ABHD2: variants seen among roughly 807,000 people sequenced by gnomAD.
ABHD2 encodes the protein monoacylglycerol lipase ABHD2.
In ABHD2, 20 loss-of-function variants were observed where a neutral mutation model predicts 48.1. The ratio of observed to expected loss-of-function variants is 0.42; its 90% CI spans 0.29 to 0.60. The LOEUF is 0.60. Among genes scored for constraint, ABHD2 ranks in the 20% least tolerant of loss-of-function variants. ABHD2 has a pLI of 0.24. For synonymous variants in ABHD2, 209 were observed against 214.2 expected, an observed-to-expected ratio of 0.98 and a Z score of 0.21; for missense variants, 405 against 550.9, an observed-to-expected ratio of 0.74 and a Z score of 2.65.
In ABHD2 at chr15:89,167,265, A is replaced by G. The variant is rs1053192231; in HGVS notation, c.539-8547A>G. Among the ~76,000 whole-genome samples, 1 of 152,102 alleles carries G rather than the reference A, an allele frequency of 6.6e-6. No homozygotes were observed. The highest frequency in any genetic ancestry group is 1.5e-5 in the Non-Finnish European group (1 of 68,022). On this transcript the variant is annotated intron_variant, in intron 5 of 10. Transcript: ENST00000352732. This position sits in a 1 kb window ranked among gnomAD's most constrained non-coding sequence, Gnocchi z 5.5. ...TTCATTGGTGTAGACTCAATTTTGA[A>G]TTGTATTCATAGTTATGAATTGTGT...
chr15:89,079,644 C>G, the ABHD2 span, among the ~76,000 whole-genome samples: 4 of 152,184 alleles, frequency 2.6e-5, no homozygotes, highest in Non-Finnish European at 5.9e-5. This position sits in a 1 kb window ranked among gnomAD's most constrained non-coding sequence, Gnocchi z 4.3. Flanking sequence ...AAGATCAAAG[C>G]CACAACTATT....
At chr15:89,127,404 G>C (rs973554246) in intron 3 of ABHD2, among the ~76,000 whole-genome samples, 1 of 152,034 alleles carries the variant, frequency 6.6e-6, no homozygotes, top group Non-Finnish European at 1.5e-5. Context: ...GGAAGGGAGA[G>C]ATTTGTGAGA....
the ABHD2 span, among the ~76,000 whole-genome samples, chr15:89,060,082 C>A: frequency 8.4e-6 from 1 of 119,442 alleles, no homozygotes; most frequent in East Asian, 2.3e-4. Flanking sequence ...CACTCCAAGG[C>A]CTTTTTTTTT....
At position 89,120,540 on chromosome 15, in the gene ABHD2, C is replaced by T. The variant is rs1013629217; in HGVS notation, c.194+4019C>T. Among the ~76,000 whole-genome samples, 8 of 151,980 alleles carry T rather than the reference C, an allele frequency of 5.3e-5. No individual in the cohort carries two copies. Among genetic ancestry groups the T allele is most frequent in the South Asian group, 4.2e-4 (2 of 4,814 alleles). On this transcript the variant is annotated intron_variant, in intron 3 of 10. Coordinates refer to ENST00000352732, the MANE Select transcript of ABHD2 (RefSeq NM_152924.5). This position sits in a 1 kb window ranked among gnomAD's most constrained non-coding sequence, Gnocchi z 4.2. ...TGTTGCCTAGGCTGGAGTACAGTGG[C>T]GCAATCTCAAATCTCGGTTCACTGC...
At chr15:89,135,031 T>C (rs2050280245) in intron 3 of ABHD2, among the ~76,000 whole-genome samples, 1 of 152,176 alleles carries the variant, frequency 6.6e-6, no homozygotes, top group African/African-American at 2.4e-5. Context: ...GTCAGCATTT[T>C]AATCCTTAAA....
At chr15:89,156,208 C>T (rs1000862208) in intron 5 of ABHD2, among the ~76,000 whole-genome samples, 2 of 150,592 alleles carry the variant, frequency 1.3e-5, no homozygotes, top group African/African-American at 4.9e-5. Context: ...GCAGGCTCCG[C>T]CTCCTGAGTT....
upstream of ABHD2, among the ~76,000 whole-genome samples, chr15:89,084,146 G>A (rs922792939): frequency 1.4e-4 from 21 of 149,652 alleles, no homozygotes; most frequent in Admixed American, 6.1e-4. The surrounding 1 kb of genome is among the most constrained non-coding windows in gnomAD (Gnocchi z 4.4). Context: ...TCCTCAAACC[G>A]TTTTTGGTAA....
Position 89,151,276 on chromosome 15 carries a change from A to G in ABHD2, c.195-401A>G, listed in dbSNP as rs1440853486. Among the ~76,000 whole-genome samples, 1 of 152,220 alleles carries G rather than the reference A, an allele frequency of 6.6e-6. No homozygotes were observed. Among genetic ancestry groups the G allele is most frequent in the African/African-American group, 2.4e-5 (1 of 41,456 alleles). ...TTAGGGAAAGAAGAAGTGAGCTTTT[A>G]GTGAGTGTAGGCGCTATGCTATTTC... On this transcript the variant is annotated intron_variant, in intron 3 of 10. Transcript: ENST00000352732. The surrounding 1 kb of genome is among the most constrained non-coding windows in gnomAD (Gnocchi z 4.7).
intron 5 of ABHD2, among the ~76,000 whole-genome samples, chr15:89,169,864 G>A (rs2050892470): frequency 1.3e-5 from 2 of 151,990 alleles, no homozygotes; most frequent in Admixed American, 1.3e-4. Context: ...TACATACAAT[G>A]AGTGAAACTA....
At chr15:89,187,925 GC>G (rs2051238706) in intron 7 of ABHD2, among the ~76,000 whole-genome samples, 1 of 152,184 alleles carries the variant, frequency 6.6e-6, no homozygotes. Context: ...CCCGTCTTGA[GC>G]CCCCCTCCCC....
At position 89,151,253 on chromosome 15, in the gene ABHD2, A is replaced by G. The variant is rs772292866; in HGVS notation, c.195-424A>G. On this transcript the variant is annotated intron_variant, in intron 3 of 10. Coordinates refer to ENST00000352732, the MANE Select transcript of ABHD2 (RefSeq NM_152924.5). This position sits in a 1 kb window ranked among gnomAD's most constrained non-coding sequence, Gnocchi z 4.7. ...CACTACAGCTGTGGCCTGTCTCGTT[A>G]GGGAAAGAAGAAGTGAGCTTTTAGT... Among the ~76,000 whole-genome samples the G allele has an allele frequency of 2.0e-4, 30 of 152,240 alleles. No homozygotes were observed. The highest frequency in any genetic ancestry group is 4.6e-4 in the Admixed American group (7 of 15,288).
chr15:89,164,517 T>C lies in ABHD2; in HGVS notation c.538+8983T>C, dbSNP rs11854712. 0.39 allele frequency among the ~76,000 whole-genome samples: 58,701 copies of C among 151,920 alleles called. 12,036 individuals carry two copies. The highest frequency in any genetic ancestry group is 0.78 in the East Asian group (4,005 of 5,148). Reference sequence around the variant, plus strand: ...AATTTGGCAATAAGTCCCAGCATGGTGGCTCACACCTGTAATCCCAGCACT... The same window carrying C: ...AATTTGGCAATAAGTCCCAGCATGGCGGCTCACACCTGTAATCCCAGCACT... On this transcript the variant is annotated intron_variant, in intron 5 of 10. Transcript: ENST00000352732. The surrounding 1 kb of genome is among the most constrained non-coding windows in gnomAD (Gnocchi z 5.0).
At chr15:89,153,192 A>G (rs1019716358) in intron 4 of ABHD2, among the ~76,000 whole-genome samples, 1 of 152,082 alleles carries the variant, frequency 6.6e-6, no homozygotes, top group African/African-American at 2.4e-5. Flanking sequence ...CTTCTCAGTA[A>G]ATCCATCACG....
Position 89,137,366 on chromosome 15 carries a change from T to C in ABHD2, c.195-14311T>C, listed in dbSNP as rs2050332097. Among the ~76,000 whole-genome samples, 1 of 152,234 alleles carries C rather than the reference T, an allele frequency of 6.6e-6. No homozygotes were observed. Among genetic ancestry groups the C allele is most frequent in the East Asian group, 1.9e-4 (1 of 5,202 alleles). ...GTTTTAACTGGTTTTCTTTGAACTT[T>C]AGAAAAGCACATTTATTTTTCCTTG... On this transcript the variant is annotated intron_variant, in intron 3 of 10. Transcript: ENST00000352732. The surrounding 1 kb of genome is among the most constrained non-coding windows in gnomAD (Gnocchi z 4.8).
chr15:89,132,335 A>G (rs1294590995), intron 3 of ABHD2, among the ~76,000 whole-genome samples: 1 of 152,236 alleles, frequency 6.6e-6, no homozygotes, highest in African/African-American at 2.4e-5. Flanking sequence ...AGAAGGGGCT[A>G]AATAAATGTT....
chr15:89,152,242 AT>A (rs1260603830), intron 4 of ABHD2, among the ~76,000 whole-genome samples: 4 of 149,358 alleles, frequency 2.7e-5, no homozygotes, highest in Admixed American at 6.7e-5. Flanking sequence ...CGCTCGGCTA[AT>A]TTTTTTTTTG....
At chr15:89,169,215 G>T (rs2050882398) in intron 5 of ABHD2, among the ~76,000 whole-genome samples, 1 of 152,184 alleles carries the variant, frequency 6.6e-6, no homozygotes, top group Non-Finnish European at 1.5e-5. Context: ...AAGGCAAGGG[G>T]CTTGGGCTTT....
intron 3 of ABHD2, among the ~76,000 whole-genome samples, chr15:89,125,254 CAA>C (rs35053074): frequency 6.2e-5 from 8 of 128,428 alleles, no homozygotes; most frequent in Admixed American, 8.0e-5. Flanking sequence ...GACTCCATGT[CAA>C]AAAAAAAAAA....
chr15:89,070,939 A>G, the ABHD2 span, among the ~76,000 whole-genome samples: 1 of 149,422 alleles, frequency 6.7e-6, no homozygotes, highest in East Asian at 2.0e-4. Flanking sequence ...TTCCTTTTCT[A>G]TTTTCCTCCT....
Sources: allele counts gnomAD v4.1 joint callset (sites outside exome capture counted in the v4.1 genomes callset), GRCh38; gene constraint gnomAD v4.1.1; non-coding constraint Gnocchi (gnomAD v3.1); transcripts MANE v1.5; gene names NCBI Gene and HGNC (gene_info 2026-07-23, HGNC 2026-07-21).